The following LONP1 variants were observed in gnomAD, a reference collection of about 807,000 sequenced individuals.
The protein encoded by LONP1 is lon protease homolog, mitochondrial.
In LONP1, 31 loss-of-function variants were observed where a neutral mutation model predicts 98.5. That is an observed-to-expected ratio of 0.31 (90% confidence interval 0.24 to 0.42). The LOEUF is 0.42. LONP1 is among the 20% of genes least tolerant of loss of function. LONP1 has a pLI of 1.00. For synonymous variants in LONP1, 781 were observed against 594.7 expected (o/e 1.31, Z -4.56); for missense variants, 1,336 against 1,350.6 (o/e 0.99, Z 0.17).
chr19:5,712,144 A>T, intron 3 of LONP1, 142 bp from the exon 4 acceptor site: 1 of 643,148 alleles, frequency 1.6e-6, no homozygotes, highest in Non-Finnish European at 2.6e-6. Flanking sequence ...CAGGGTCCTC[A>T]AGCTGGAGAC....
chr19:5,694,061 T>C (rs1031459783), intron 15 of LONP1, among the ~76,000 whole-genome samples: 2 of 152,178 alleles, frequency 1.3e-5, no homozygotes, highest in Non-Finnish European at 2.9e-5. Context: ...CAAGCCCTTC[T>C]CCAGCCCCTC....
At chr19:5,695,981 ACGGCCTCTG>A in intron 13 of LONP1, 64 bp downstream of exon 13, 1 of 1,352,198 alleles carries the variant, frequency 7.4e-7, no homozygotes, top group Non-Finnish European at 1.0e-6. Context: ...TCCCAGAGGC[ACGGCCTCTG>A]CAGGCTCTGG....
chr19:5,708,468 G>GGGGCC, intron 4 of LONP1, 65 bp from the exon 5 acceptor site: 3 of 551,262 alleles, frequency 5.4e-6, no homozygotes, highest in Non-Finnish European at 6.8e-6. Flanking sequence ...GGCTGGGTGG[G>GGGGCC]AGCATGGCCC....
chr19:5,698,849 A>C (rs558894970), intron 10 of LONP1, among the ~76,000 whole-genome samples, 178 bp downstream of exon 10: 4 of 152,332 alleles, frequency 2.6e-5, no homozygotes, highest in African/African-American at 7.2e-5. Flanking sequence ...GAGCACCTGG[A>C]ATCAGCTGGG....
chr19:5,701,585 G>T (rs1314967325), intron 8 of LONP1, among the ~76,000 whole-genome samples: 1 of 151,748 alleles, frequency 6.6e-6, no homozygotes, highest in Non-Finnish European at 1.5e-5. Flanking sequence ...CGCCGGCCTC[G>T]GCCTCCCGAG....
In LONP1 at chr19:5,694,418, G is replaced by A. The variant is rs141836094; in HGVS notation, c.2289C>T (p.Gly763=). Residue 763 remains glycine (G), a synonymous_variant, in exon 15 of 18, where the codon GGC becomes GGT. Transcript: ENST00000360614. ...CGGTCCAGGCCAGCCCCATGACCACGCCGGGCGGTGTCACGTCATACATGC... is the reference window on the plus strand; with the variant it reads ...CGGTCCAGGCCAGCCCCATGACCACACCGGGCGGTGTCACGTCATACATGC... ...VERMYDVTPP[G]VVMGLAWTAM... 103 of 1,613,360 alleles carry A rather than the reference G, an allele frequency of 6.4e-5. No individual in the cohort carries two copies. The highest frequency in any genetic ancestry group is 8.0e-5 in the Non-Finnish European group (94 of 1,180,010).
At chr19:5,699,765 G>C (rs888498953) in intron 9 of LONP1, among the ~76,000 whole-genome samples, 4 of 151,300 alleles carry the variant, frequency 2.6e-5, no homozygotes, top group South Asian at 4.2e-4. Flanking sequence ...TCACCATGTT[G>C]GTCAGGCTGG....
intron 14 of LONP1, 21 bp downstream of exon 14, chr19:5,694,740 G>A: frequency 6.3e-7 from 1 of 1,581,690 alleles, no homozygotes. Flanking sequence ...CAGGTGCCAG[G>A]AGGGCGGGCT....
At chr19:5,715,853 C>T (rs999994983) in intron 1 of LONP1, among the ~76,000 whole-genome samples, 9 of 151,674 alleles carry the variant, frequency 5.9e-5, no homozygotes, top group South Asian at 2.1e-4. Flanking sequence ...GACGGAGTTT[C>T]GCCATGAGCC....
Position 5,714,181 on chromosome 19 carries a change from A to G in LONP1, c.518+2T>C. 1 of 1,611,528 alleles carries G rather than the reference A, an allele frequency of 6.2e-7. No individual in the cohort carries two copies. Among genetic ancestry groups the G allele is most frequent in the East Asian group, 2.2e-5 (1 of 44,872 alleles). On this transcript the variant is annotated splice_donor_variant, in intron 2 of 17. Coordinates refer to ENST00000360614, the MANE Select transcript of LONP1 (RefSeq NM_004793.4). LOFTEE classifies it high-confidence loss of function. Reference sequence around the variant, plus strand: ...AGGGAATGAAGGAAAAATCACACTTACCTGTCATCTCTCTTTAGAAAGACG... The same window carrying G: ...AGGGAATGAAGGAAAAATCACACTTGCCTGTCATCTCTCTTTAGAAAGACG...
At chr19:5,707,253 G>T in intron 6 of LONP1, 110 bp from the exon 7 acceptor site, 1 of 835,964 alleles carries the variant, frequency 1.2e-6, no homozygotes, top group Non-Finnish European at 2.0e-6. Flanking sequence ...GGAGGACCTG[G>T]CCATGCTGTA....
Position 5,692,018 on chromosome 19 carries a change from T to C in LONP1, c.*14A>G. On this transcript the variant is annotated 3_prime_UTR_variant, in exon 18 of 18. Coordinates refer to ENST00000360614, the MANE Select transcript of LONP1 (RefSeq NM_004793.4). ...AGGGCCTGACATCCGCCGCCTGCAGTCCCGGGGTGGCCGTCACCGTTCCAC... is the reference window on the plus strand; with the variant it reads ...AGGGCCTGACATCCGCCGCCTGCAGCCCCGGGGTGGCCGTCACCGTTCCAC... The C allele has an allele frequency of 9.1e-7, 1 of 1,092,932 alleles. No individual in the cohort carries two copies. The highest frequency in any genetic ancestry group is 1.3e-6 in the Non-Finnish European group (1 of 766,404). 67.7% of individuals were successfully genotyped at this position (1,092,932 alleles called of 1,614,324 possible). A position where few individuals can be genotyped will look rare whatever the true frequency, so the allele number is the denominator to read the frequency against.
chr19:5,705,484 C>G (rs1372550970), intron 8 of LONP1, among the ~76,000 whole-genome samples: 1 of 151,518 alleles, frequency 6.6e-6, no homozygotes, highest in Non-Finnish European at 1.5e-5. Flanking sequence ...AAAAGCAGCC[C>G]TGGCTTAGAG....
Position 5,693,548 on chromosome 19 carries a change from T to A in LONP1, c.2538+4A>T. 1.9e-6 allele frequency: 3 copies of A among 1,613,896 alleles called. No homozygotes were observed. Among genetic ancestry groups the A allele is most frequent in the Non-Finnish European group, 2.5e-6 (3 of 1,179,946 alleles). On this transcript the variant is annotated splice_donor_region_variant and intron_variant, in intron 16 of 17. Coordinates refer to ENST00000360614, the MANE Select transcript of LONP1 (RefSeq NM_004793.4). ...GAGCAGGTGGGAGCGGATGGCGCGG[T>A]CACCTCGGGCACATGCAGGTGGATG...
intron 1 of LONP1, 77 bp from the exon 2 acceptor site, chr19:5,714,348 G>C: frequency 9.8e-7 from 1 of 1,020,596 alleles, no homozygotes. Context: ...TGTTGCCCTG[G>C]CTGGAATGTA....
At chr19:5,703,965 C>G (rs1394593206) in intron 8 of LONP1, among the ~76,000 whole-genome samples, 1 of 152,198 alleles carries the variant, frequency 6.6e-6, no homozygotes, top group Non-Finnish European at 1.5e-5. Flanking sequence ...GACAGAAGAA[C>G]CCCGAAAACA....
At chr19:5,705,549 G>GCCA (rs764658415) in intron 8 of LONP1, among the ~76,000 whole-genome samples, 3 of 152,022 alleles carry the variant, frequency 2.0e-5, no homozygotes, top group Non-Finnish European at 4.4e-5. Context: ...ACAGGCCCTG[G>GCCA]CCACCAGCTC....
intron 1 of LONP1, among the ~76,000 whole-genome samples, chr19:5,716,292 A>ATC (rs2055321541): frequency 9.3e-6 from 1 of 107,762 alleles, no homozygotes; most frequent in Non-Finnish European, 2.0e-5. Context: ...ATATATATAT[A>ATC]TATATATAGT....
chr19:5,696,296 C>T lies in LONP1; in HGVS notation c.1849G>A (p.Ala617Thr), dbSNP rs1206449095. The change falls in exon 12 of 18, where the codon GCC (alanine) becomes ACC (threonine). Residue 617 changes from alanine (A) to threonine (T), a missense_variant. Around this residue, in one of 5 missense-constraint regions of LONP1, gnomAD observed 555 missense variants for 542.6 expected, o/e 1.02. Transcript: ENST00000360614. ...LLELLDPEQNANFLDHYLDVP... is the reference protein window; with the variant it reads ...LLELLDPEQNTNFLDHYLDVP... ...TCCAGGTAGTGGTCCAGGAAGTTGGCATTCTGCTCTGGGTCCAGCAGCTCC... is the reference window on the plus strand; with the variant it reads ...TCCAGGTAGTGGTCCAGGAAGTTGGTATTCTGCTCTGGGTCCAGCAGCTCC... 3 of 1,613,326 alleles carry T rather than the reference C, an allele frequency of 1.9e-6. No homozygotes were observed. Among genetic ancestry groups the T allele is most frequent in the Non-Finnish European group, 1.7e-6 (2 of 1,179,910 alleles).
Sources: gnomAD v4.1 joint callset for allele counts (sites outside exome capture counted in the v4.1 genomes callset) on GRCh38, gnomAD v4.1.1 for gene constraint, gnomAD v4.1.1 regional missense constraint, MANE v1.5 for transcripts, NCBI Gene and HGNC (gene_info 2026-07-23, HGNC 2026-07-21) for gene names.